PUS7L: variants seen among roughly 807,000 people sequenced by gnomAD.
The protein encoded by PUS7L is pseudouridine synthase 7 like, also known as pseudouridylate synthase PUS7L.
A neutral mutation model predicts 51.1 loss-of-function variants in PUS7L; 49 were observed. The ratio of observed to expected loss-of-function variants is 0.96; its 90% CI spans 0.76 to 1.22. PUS7L has a LOEUF of 1.22. PUS7L is among the 50% of genes most tolerant of loss of function. The probability of loss-of-function intolerance (pLI) is 0.00; values close to 1 mark genes in which losing one functional copy is unlikely to be tolerated. For missense variants in PUS7L, 828 were observed against 820.6 expected (o/e 1.01, Z -0.11); for synonymous variants, 277 against 276.2 (o/e 1.00, Z -0.03).
chr12:43,724,042 A>G lies in PUS7L; in HGVS notation c.*6334T>C, dbSNP rs956298949. On this transcript the variant is annotated 3_prime_UTR_variant, in exon 9 of 9. Coordinates refer to ENST00000344862, the MANE Select transcript of PUS7L (RefSeq NM_031292.5). ...ATATACTCATGTTTGAAATTCAAAC[A>G]TCAAAAGTAAATGGAGGAAAAAAGT... The G allele has an allele frequency of 6.6e-6, 1 of 152,154 alleles. No individual in the cohort carries two copies. Among genetic ancestry groups the G allele is most frequent in the Admixed American group, 6.5e-5 (1 of 15,284 alleles). The allele number at this position is 152,154 out of a possible 1,614,324, so 9.4% of individuals were successfully genotyped here.
chr12:43,739,357 A>G (rs1383750612), intron 5 of PUS7L: 1 of 152,254 alleles, frequency 6.6e-6, no homozygotes, highest in East Asian at 1.9e-4. Context: ...GTTTCCAAAG[A>G]AAACACAGCT....
intron 5 of PUS7L, 127 bp downstream of exon 5, chr12:43,742,330 T>C (rs1937940501): frequency 1.5e-6 from 1 of 646,928 alleles, no homozygotes. Context: ...TGTTCAGTAA[T>C]GTAATATATT....
At chr12:43,748,852 T>C (rs1938304591) in intron 2 of PUS7L, among the ~76,000 whole-genome samples, 9 of 152,078 alleles carry the variant, frequency 5.9e-5, no homozygotes, top group Admixed American at 5.9e-4. Context: ...GCCTCCTGAG[T>C]ACCTGGGACT....
In PUS7L at chr12:43,725,046, C is replaced by T. The variant is rs1336980582; in HGVS notation, c.*5330G>A. The T allele has an allele frequency of 6.6e-6, 1 of 152,120 alleles. No homozygotes were observed. The highest frequency in any genetic ancestry group is 2.4e-5 in the African/African-American group (1 of 41,432). 9.4% of individuals were successfully genotyped at this position (152,120 alleles called of 1,614,324 possible). ...ATAGTTGGCTAAAAAGGTAAATCAG[C>T]CAATGTTGATATATGTAAATAGTAT... On this transcript the variant is annotated 3_prime_UTR_variant, in exon 9 of 9. Coordinates refer to ENST00000344862, the MANE Select transcript of PUS7L (RefSeq NM_031292.5).
Position 43,737,406 on chromosome 12 carries a change from C to T in PUS7L, c.1445-745G>A, listed in dbSNP as rs934618435. Among the ~76,000 whole-genome samples the T allele has an allele frequency of 3.3e-5, 5 of 151,870 alleles. No homozygotes were observed. In the East Asian group the frequency reaches 7.7e-4, roughly 23 times the overall value. ...TGGTATGGCACAAAAATACTACTTTCCTGCGAATAGCTGCACATATGTAAT... is the reference window on the plus strand; with the variant it reads ...TGGTATGGCACAAAAATACTACTTTTCTGCGAATAGCTGCACATATGTAAT... On this transcript the variant is annotated intron_variant, in intron 6 of 8. Coordinates refer to ENST00000344862, the MANE Select transcript of PUS7L (RefSeq NM_031292.5).
At position 43,755,009 on chromosome 12, in the gene PUS7L, G is replaced by A; in HGVS notation, c.237C>T (p.Ser79=). 6.2e-7 allele frequency: 1 copy of A among 1,613,038 alleles called. No homozygotes were observed. ...CTTCTTGGTTTCTTCCATCTTCTAA[G>A]GACAGATTTTGAAGATCTAGTTTTG... ...KKPKLDLQNL[S]LEDGRNQEVH... is the part of the protein sequence containing the mutation. The change falls in exon 2 of 9, where the codon TCC becomes TCT. Residue 79 remains serine, a synonymous_variant. Transcript: ENST00000344862.
chr12:43,736,971 A>G (rs1944709528), intron 6 of PUS7L, among the ~76,000 whole-genome samples: 1 of 152,200 alleles, frequency 6.6e-6, no homozygotes, highest in Non-Finnish European at 1.5e-5. Context: ...TGTTAAAACA[A>G]AATCAAACAA....
chr12:43,731,550 C>T (rs1327888487), intron 8 of PUS7L, among the ~76,000 whole-genome samples, 155 bp downstream of exon 8: 2 of 152,018 alleles, frequency 1.3e-5, no homozygotes, highest in Non-Finnish European at 2.9e-5. Context: ...AAAGTCTATA[C>T]AATTGTAAAC....
In PUS7L at chr12:43,755,039, T is replaced by C; in HGVS notation, c.207A>G (p.Lys69=). The part of the protein sequence containing the change: ...EIQLEPNNFP[K]KPKLDLQNLS... Reference sequence around the variant, plus strand: ...GATTTTGAAGATCTAGTTTTGGTTTTTTGGGAAAATTATTTGGCTCAAGTT... The same window carrying C: ...GATTTTGAAGATCTAGTTTTGGTTTCTTGGGAAAATTATTTGGCTCAAGTT... Residue 69 remains lysine (K), a synonymous_variant, in exon 2 of 9, where the codon AAA becomes AAG. Coordinates refer to ENST00000344862, the MANE Select transcript of PUS7L (RefSeq NM_031292.5). 1 of 1,613,098 alleles carries C rather than the reference T, an allele frequency of 6.2e-7. No individual in the cohort carries two copies.
Position 43,721,991 on chromosome 12 carries a change from T to A in PUS7L, c.*8385A>T, listed in dbSNP as rs1198123601. 6.6e-6 allele frequency: 1 copy of A among 152,156 alleles called. No individual in the cohort carries two copies. Among genetic ancestry groups the A allele is most frequent in the African/African-American group, 2.4e-5 (1 of 41,462 alleles). The allele number at this position is 152,156 out of a possible 1,614,324, so 9.4% of individuals were successfully genotyped here. ...TCAGGTTATGTGTATAAGGTATATA[T>A]GAAACATAAATGAATTTTGTTTAGA... On this transcript the variant is annotated 3_prime_UTR_variant, in exon 9 of 9. Transcript: ENST00000344862.
intron 7 of PUS7L, among the ~76,000 whole-genome samples, chr12:43,735,178 G>C (rs572179117): frequency 6.6e-6 from 1 of 151,908 alleles, no homozygotes; most frequent in Non-Finnish European, 1.5e-5. Flanking sequence ...TTAGCCAGGC[G>C]TGGTGGCAGG....
Position 43,729,534 on chromosome 12 carries a change from A to T in PUS7L, c.*842T>A. On this transcript the variant is annotated 3_prime_UTR_variant, in exon 9 of 9. Coordinates refer to ENST00000344862, the MANE Select transcript of PUS7L (RefSeq NM_031292.5). ...AACCAACAAAAATTAAAATTTTCAA[A>T]TGGGCACAATGTTTTGTTCCTCCAG... The T allele has an allele frequency of 4.2e-6, 1 of 239,782 alleles. No individual in the cohort carries two copies. Among genetic ancestry groups the T allele is most frequent in the African/African-American group, 2.2e-5 (1 of 45,250 alleles). The allele number at this position is 239,782 out of a possible 1,614,324, so 14.9% of individuals were successfully genotyped here.
At chr12:43,732,873 A>T (rs545766771) in intron 7 of PUS7L, among the ~76,000 whole-genome samples, 39 of 152,308 alleles carry the variant, frequency 2.6e-4, no homozygotes, top group African/African-American at 8.9e-4. Context: ...TCCAGATGTG[A>T]TCTGATCAAA....
chr12:43,726,249 C>T lies in PUS7L; in HGVS notation c.*4127G>A, dbSNP rs920864578. ...CCCAGAAATAAAGGCCACACACCTA[C>T]AGCTACTTGATTTTTGTTAAAGTCA... On this transcript the variant is annotated 3_prime_UTR_variant, in exon 9 of 9. Coordinates refer to ENST00000344862, the MANE Select transcript of PUS7L (RefSeq NM_031292.5). 1 of 152,164 alleles carries T rather than the reference C, an allele frequency of 6.6e-6. No individual in the cohort carries two copies. The highest frequency in any genetic ancestry group is 6.5e-5 in the Admixed American group (1 of 15,286). The allele number at this position is 152,164 out of a possible 1,614,324, so 9.4% of individuals were successfully genotyped here. A position where few individuals can be genotyped will look rare whatever the true frequency, so the allele number is the denominator to read the frequency against.
chr12:43,737,752 A>G (rs1427469166), intron 6 of PUS7L, among the ~76,000 whole-genome samples: 1 of 152,144 alleles, frequency 6.6e-6, no homozygotes, highest in Admixed American at 6.5e-5. Flanking sequence ...CACTTGCACA[A>G]AATCATACAG....
At chr12:43,732,662 C>T (rs566511446) in intron 7 of PUS7L, among the ~76,000 whole-genome samples, 70 of 152,308 alleles carry the variant, frequency 4.6e-4, no homozygotes, top group African/African-American at 1.5e-3. Flanking sequence ...CTTCACAAGG[C>T]TTCAGCGCAT....
rs1944489837 is a variant in PUS7L, at chr12:43,728,741, A to T, written c.*1635T>A. 1 of 152,470 alleles carries T rather than the reference A, an allele frequency of 6.6e-6. No homozygotes were observed. 9.4% of individuals were successfully genotyped at this position (152,470 alleles called of 1,614,324 possible). On this transcript the variant is annotated 3_prime_UTR_variant, in exon 9 of 9. Transcript: ENST00000344862. ...ATTTGCTTTTCTCTTCCAAACTTGC[A>T]TCTGCAGACACTTACTTAACAATAA...
rs1324255998 is a variant in PUS7L, at chr12:43,723,784, A to G, written c.*6592T>C. The G allele has an allele frequency of 6.6e-6, 1 of 152,132 alleles. No individual in the cohort carries two copies. Among genetic ancestry groups the G allele is most frequent in the Non-Finnish European group, 1.5e-5 (1 of 67,970 alleles). The allele number at this position is 152,132 out of a possible 1,614,324, so 9.4% of individuals were successfully genotyped here. A position where few individuals can be genotyped will look rare whatever the true frequency, so the allele number is the denominator to read the frequency against. ...TAGAAAAACAGATTAAAACAGTACT[A>G]TAAGAGAATCTTTCTGAAACTAGAA... On this transcript the variant is annotated 3_prime_UTR_variant, in exon 9 of 9. Transcript: ENST00000344862.
Position 43,720,502 on chromosome 12 carries a change from C to G in PUS7L, c.*9874G>C, listed in dbSNP as rs1344358061. ...AAAAACAAAAAATAAATAAGTGCATCTCTTAATTTCTGATATATAGAGATT... is the reference window on the plus strand; with the variant it reads ...AAAAACAAAAAATAAATAAGTGCATGTCTTAATTTCTGATATATAGAGATT... On this transcript the variant is annotated 3_prime_UTR_variant, in exon 9 of 9. Coordinates refer to ENST00000344862, the MANE Select transcript of PUS7L (RefSeq NM_031292.5). 2 of 152,164 alleles carry G rather than the reference C, an allele frequency of 1.3e-5. No individual in the cohort carries two copies. Among genetic ancestry groups the G allele is most frequent in the African/African-American group, 4.8e-5 (2 of 41,446 alleles). The allele number at this position is 152,164 out of a possible 1,614,324, so 9.4% of individuals were successfully genotyped here. A position where few individuals can be genotyped will look rare whatever the true frequency, so the allele number is the denominator to read the frequency against.
Sources: gnomAD v4.1 joint callset for allele counts (sites outside exome capture counted in the v4.1 genomes callset) on GRCh38, gnomAD v4.1.1 for gene constraint, MANE v1.5 for transcripts, NCBI Gene and HGNC (gene_info 2026-07-23, HGNC 2026-07-21) for gene names.